Variants in DYNC2I1 observed in about 807,000 individuals in gnomAD.
DYNC2I1 encodes the protein cytoplasmic dynein 2 intermediate chain 1.
In DYNC2I1, 89 loss-of-function variants were observed where a neutral mutation model predicts 133.4. The observed-to-expected ratio is 0.67, with a 90% CI of 0.56 to 0.80. The LOEUF (loss-of-function observed/expected upper bound fraction) is 0.80, where lower values mean the gene tolerates loss of function less well. Ranked by LOEUF, DYNC2I1 falls within the 30% of genes least tolerant of loss-of-function variation. The pLI is 0.00. For synonymous variants in DYNC2I1, 504 were observed against 484.3 expected, an observed-to-expected ratio of 1.04 and a Z score of -0.54; for missense variants, 1,291 against 1,314.5, an observed-to-expected ratio of 0.98 and a Z score of 0.28.
intron 8 of DYNC2I1, 125 bp from the exon 9 acceptor site, chr7:158,901,614 T>C (rs1846268467): frequency 4.6e-6 from 3 of 658,898 alleles, no homozygotes; most frequent in African/African-American, 1.9e-5. Context: ...GTTTTACAAA[T>C]ACCTAGAGTT....
At chr7:158,949,111 G>C (rs1324642427), downstream of DYNC2I1, among the ~76,000 whole-genome samples, 1 of 151,612 alleles carries the variant, frequency 6.6e-6, no homozygotes, top group African/African-American at 2.4e-5. Context: ...GTGCTGCCCT[G>C]GGCGACAGCA....
chr7:158,958,415 A>G (rs1852255122), downstream of DYNC2I1, among the ~76,000 whole-genome samples: 1 of 152,142 alleles, frequency 6.6e-6, no homozygotes, highest in African/African-American at 2.4e-5. Flanking sequence ...CTGTGCGCGG[A>G]TCAGCTGCTG....
In DYNC2I1 at chr7:158,862,786, G is replaced by A. The variant is rs1029788589; in HGVS notation, c.15+6036G>A. Among the ~76,000 whole-genome samples the A allele has an allele frequency of 1.1e-4, 17 of 152,006 alleles. 1 individual carries two copies. Among genetic ancestry groups the A allele is most frequent in the African/African-American group, 3.1e-4 (13 of 41,366 alleles). On this transcript the variant is annotated intron_variant, in intron 1 of 24. Transcript: ENST00000407559. Reference sequence around the variant, plus strand: ...TACAATTCTTAAAGATGGTGTGTCCGGAGTTTGTTCCTTCACATGTTCAGA... The same window carrying A: ...TACAATTCTTAAAGATGGTGTGTCCAGAGTTTGTTCCTTCACATGTTCAGA...
intron 7 of DYNC2I1, 92 bp from the exon 8 acceptor site, chr7:158,891,173 C>G: frequency 7.1e-7 from 1 of 1,414,520 alleles, no homozygotes; most frequent in Non-Finnish European, 1.0e-6. Flanking sequence ...GGCTGGCGGG[C>G]TCCGCAGTGG....
downstream of DYNC2I1, among the ~76,000 whole-genome samples, chr7:158,948,518 C>T (rs1404186568): frequency 3.3e-5 from 5 of 152,160 alleles, no homozygotes; most frequent in East Asian, 1.9e-4. Flanking sequence ...CTCTTGAGGA[C>T]GGAGGCACTT....
intron 16 of DYNC2I1, 30 bp from the exon 17 acceptor site, chr7:158,923,541 T>C: frequency 1.2e-6 from 2 of 1,614,028 alleles, no homozygotes; most frequent in Middle Eastern, 1.6e-4. Context: ...TATTCTTCTG[T>C]CATTGGCTTT....
At chr7:158,848,688 GC>G in the DYNC2I1 span, among the ~76,000 whole-genome samples, 1 of 152,172 alleles carries the variant, frequency 6.6e-6, no homozygotes, top group Non-Finnish European at 1.5e-5. Flanking sequence ...ACTTTGGGAG[GC>G]CGAGGCGGGC....
chr7:158,858,584 G>C (rs949467890), intron 1 of DYNC2I1, among the ~76,000 whole-genome samples: 3 of 152,086 alleles, frequency 2.0e-5, no homozygotes, highest in Admixed American at 6.5e-5. Flanking sequence ...ATGTCTTCTA[G>C]CTTATTAGTG....
chr7:158,925,194 G>A (rs1849492138), intron 17 of DYNC2I1, among the ~76,000 whole-genome samples: 2 of 152,168 alleles, frequency 1.3e-5, no homozygotes, highest in African/African-American at 4.8e-5. Flanking sequence ...TTCCTCAGTC[G>A]AGCCATCAGT....
chr7:158,857,500 C>T (rs1392625023), intron 1 of DYNC2I1, among the ~76,000 whole-genome samples: 1 of 150,884 alleles, frequency 6.6e-6, no homozygotes, highest in African/African-American at 2.5e-5. Context: ...GAATAATACT[C>T]CTTAATTTGT....
chr7:158,928,776 TA>T (rs1849885589), intron 20 of DYNC2I1, among the ~76,000 whole-genome samples: 2 of 151,384 alleles, frequency 1.3e-5, no homozygotes, highest in Non-Finnish European at 2.9e-5. Context: ...GAGACCCACA[TA>T]GTCAGTCTCA....
intron 14 of DYNC2I1, among the ~76,000 whole-genome samples, chr7:158,916,096 A>T (rs1321426176): frequency 1.3e-5 from 1 of 79,804 alleles, no homozygotes; most frequent in Non-Finnish European, 3.1e-5. Flanking sequence ...GGATTGTGAA[A>T]CGTCGACACG....
chr7:158,926,962 C>T, intron 19 of DYNC2I1, 30 bp from the exon 20 acceptor site: 1 of 1,501,142 alleles, frequency 6.7e-7, no homozygotes, highest in Non-Finnish European at 9.1e-7. Flanking sequence ...TAAAATGTAT[C>T]AATATTCATT....
chr7:158,915,593 T>A (rs1238199790), intron 14 of DYNC2I1, among the ~76,000 whole-genome samples: 1 of 149,682 alleles, frequency 6.7e-6, no homozygotes, highest in Non-Finnish European at 1.5e-5. Flanking sequence ...TGGTTGAGAT[T>A]AAGGATGATT....
chr7:158,939,701 C>G (rs1468067443), intron 23 of DYNC2I1, among the ~76,000 whole-genome samples: 1 of 152,058 alleles, frequency 6.6e-6, no homozygotes, highest in African/African-American at 2.4e-5. Flanking sequence ...AGAAACAAGA[C>G]CCAACTGTAG....
At chr7:158,918,965 G>A in intron 15 of DYNC2I1, 96 bp downstream of exon 15, 9 of 1,317,318 alleles carry the variant, frequency 6.8e-6, no homozygotes, top group Non-Finnish European at 9.1e-6. Context: ...TTAATGTGAT[G>A]GGGTTTAATG....
At chr7:158,882,073 T>C (rs776248267) in intron 5 of DYNC2I1, among the ~76,000 whole-genome samples, 2 of 152,238 alleles carry the variant, frequency 1.3e-5, no homozygotes, top group Non-Finnish European at 2.9e-5. Flanking sequence ...CCTGTATCTT[T>C]GTAAAACCAC....
intron 15 of DYNC2I1, among the ~76,000 whole-genome samples, chr7:158,919,659 C>T (rs1848819323): frequency 6.6e-6 from 1 of 152,222 alleles, no homozygotes. Context: ...GGCATTTCTT[C>T]CGTCCTGCCT....
intron 1 of DYNC2I1, among the ~76,000 whole-genome samples, chr7:158,863,557 G>A (rs1044999301): frequency 2.7e-5 from 4 of 149,402 alleles, no homozygotes; most frequent in Non-Finnish European, 4.5e-5. Context: ...TGGGAGGAGC[G>A]GGACTTCCTT....
Sources: gnomAD v4.1 joint callset for allele counts (sites outside exome capture counted in the v4.1 genomes callset) on GRCh38, gnomAD v4.1.1 for gene constraint, MANE v1.5 for transcripts, NCBI Gene and HGNC (gene_info 2026-07-23, HGNC 2026-07-21) for gene names.